Variants in OPCML observed in about 807,000 individuals in gnomAD.
The protein encoded by OPCML is opioid binding protein/cell adhesion molecule like.
In OPCML, 13 loss-of-function variants were observed where a neutral mutation model predicts 37.8. The ratio of observed to expected loss-of-function variants is 0.34; its 90% CI spans 0.22 to 0.55. The LOEUF is 0.55. Ranked by LOEUF, OPCML falls within the 20% of genes least tolerant of loss-of-function variation. OPCML has a pLI of 0.91. For synonymous variants in OPCML, 176 were observed against 168.8 expected (o/e 1.04, Z -0.33); for missense variants, 341 against 435.6 (o/e 0.78, Z 1.93).
chr11:132,849,301 G>A (rs2659612), intron 2 of OPCML, among the ~76,000 whole-genome samples: 16,527 of 152,118 alleles, frequency 0.11, 1,935 homozygotes, highest in East Asian at 0.6. Context: ...GCGATCTAGC[G>A]CTATCATATA....
chr11:133,393,471 C>T (rs925793290), intron 1 of OPCML, among the ~76,000 whole-genome samples: 7 of 152,224 alleles, frequency 4.6e-5, no homozygotes, highest in African/African-American at 9.6e-5. Flanking sequence ...CTGGCTACAG[C>T]TTACCATCTT....
At position 133,212,182 on chromosome 11, in the gene OPCML, A is replaced by C. The variant is rs1939390107; in HGVS notation, c.62-269172T>G. On this transcript the variant is annotated intron_variant, in intron 1 of 7. Coordinates refer to ENST00000524381, the MANE Select transcript of OPCML (RefSeq NM_001012393.5). The surrounding 1 kb of genome is among the most constrained non-coding windows in gnomAD (Gnocchi z 4.9). ...ACCAATCACAACATCATAATGACCA[A>C]TCAATCAACCAAACCAGCAAGGACA... Among the ~76,000 whole-genome samples, 1 of 152,088 alleles carries C rather than the reference A, an allele frequency of 6.6e-6. No homozygotes were observed. Among genetic ancestry groups the C allele is most frequent in the African/African-American group, 2.4e-5 (1 of 41,384 alleles).
At chr11:132,574,215 A>G (rs568751794) in intron 3 of OPCML, among the ~76,000 whole-genome samples, 2 of 121,714 alleles carry the variant, frequency 1.6e-5, no homozygotes, top group South Asian at 4.9e-4. Flanking sequence ...CCGTTTTTCT[A>G]TTTTGTTTAT....
intron 1 of OPCML, among the ~76,000 whole-genome samples, chr11:133,482,183 T>C (rs572811857): frequency 3.3e-5 from 5 of 152,126 alleles, no homozygotes; most frequent in Non-Finnish European, 5.9e-5. Flanking sequence ...AACTCATCAA[T>C]ATAGATCAAT....
intron 1 of OPCML, among the ~76,000 whole-genome samples, chr11:133,475,892 G>A (rs940255532): frequency 6.6e-6 from 1 of 152,212 alleles, no homozygotes; most frequent in African/African-American, 2.4e-5. Context: ...GTCCTTGCCT[G>A]GTGGGAGAAT....
intron 4 of OPCML, among the ~76,000 whole-genome samples, chr11:132,455,311 G>A (rs886850842): frequency 7.2e-5 from 11 of 152,184 alleles, no homozygotes; most frequent in Admixed American, 5.2e-4. Flanking sequence ...AGCCTGGAGT[G>A]TGCAGTGACC....
chr11:132,988,289 AC>A (rs1236091346), intron 1 of OPCML, among the ~76,000 whole-genome samples: 2 of 152,180 alleles, frequency 1.3e-5, no homozygotes, highest in Non-Finnish European at 2.9e-5. Flanking sequence ...ATATTAATAC[AC>A]TTGCATAAAG....
At chr11:132,966,516 G>T (rs1243828817) in intron 1 of OPCML, among the ~76,000 whole-genome samples, 1 of 152,014 alleles carries the variant, frequency 6.6e-6, no homozygotes, top group Non-Finnish European at 1.5e-5. Flanking sequence ...TGAAAATAAT[G>T]TATATTCTGC....
At chr11:133,494,589 G>T (rs1947740228) in intron 1 of OPCML, among the ~76,000 whole-genome samples, 1 of 146,404 alleles carries the variant, frequency 6.8e-6, no homozygotes, top group African/African-American at 2.7e-5. Flanking sequence ...GATGAAGCTG[G>T]AAACCATCAT....
At position 132,418,225 on chromosome 11, in the gene OPCML, A is replaced by G. The variant is rs1215690756; in HGVS notation, c.*1968T>C. 4 of 152,196 alleles carry G rather than the reference A, an allele frequency of 2.6e-5. No individual in the cohort carries two copies. The highest frequency in any genetic ancestry group is 5.9e-5 in the Non-Finnish European group (4 of 68,058). The allele number at this position is 152,196 out of a possible 1,614,324, so 9.4% of individuals were successfully genotyped here. ...TTTTATTTTTTAGACTGAGGGCCTG[A>G]AAAGGTTTTCCAACTGAGGCAGGGC... On this transcript the variant is annotated 3_prime_UTR_variant, in exon 8 of 8. Coordinates refer to ENST00000524381, the MANE Select transcript of OPCML (RefSeq NM_001012393.5).
chr11:133,530,843 T>C (rs1948591286), intron 1 of OPCML, among the ~76,000 whole-genome samples: 1 of 152,176 alleles, frequency 6.6e-6, no homozygotes, highest in Non-Finnish European at 1.5e-5. Flanking sequence ...CCCAGTAAAC[T>C]TCCATTTTTC....
chr11:132,655,699 G>A (rs1487266095), intron 3 of OPCML, among the ~76,000 whole-genome samples: 1 of 152,144 alleles, frequency 6.6e-6, no homozygotes, highest in African/African-American at 2.4e-5. Context: ...CAGCTCTCTG[G>A]CCCCACACAT....
chr11:133,505,441 C>T (rs536099147), intron 1 of OPCML, among the ~76,000 whole-genome samples: 2 of 152,308 alleles, frequency 1.3e-5, no homozygotes, highest in South Asian at 4.1e-4. Context: ...AAGCTCAGCA[C>T]CTGCTCGGGA....
intron 1 of OPCML, among the ~76,000 whole-genome samples, chr11:133,218,751 G>C (rs1281863826): frequency 6.6e-6 from 1 of 152,142 alleles, no homozygotes; most frequent in African/African-American, 2.4e-5. Context: ...GAGCTGCTAA[G>C]CTCTCTGGAT....
chr11:133,341,373 T>G (rs1013394421), intron 1 of OPCML, among the ~76,000 whole-genome samples: 13 of 152,192 alleles, frequency 8.5e-5, no homozygotes, highest in Non-Finnish European at 7.3e-5. Context: ...GACAACTTAT[T>G]CCTGGACATT....
intron 1 of OPCML, among the ~76,000 whole-genome samples, chr11:132,974,095 T>G (rs12287409): frequency 0.076 from 11,648 of 152,278 alleles, 799 homozygotes; most frequent in East Asian, 0.34. Flanking sequence ...TTGGGTTTTA[T>G]CCCATCTTGA....
chr11:133,075,447 A>G (rs1948606538), intron 1 of OPCML, among the ~76,000 whole-genome samples: 1 of 152,190 alleles, frequency 6.6e-6, no homozygotes, highest in African/African-American at 2.4e-5. Context: ...AAAGGAGGCC[A>G]CTTCCCAAGG....
intron 3 of OPCML, among the ~76,000 whole-genome samples, chr11:132,540,442 G>A (rs1204471618): frequency 1.3e-5 from 2 of 152,108 alleles, no homozygotes; most frequent in African/African-American, 4.8e-5. Context: ...AGGATCCAGT[G>A]GGGCAGCCAG....
chr11:133,353,318 C>A (rs1592226164), intron 1 of OPCML, among the ~76,000 whole-genome samples: 1 of 152,076 alleles, frequency 6.6e-6, no homozygotes, highest in South Asian at 2.1e-4. Flanking sequence ...ATGCACCACA[C>A]CTGGCTAATT....
Sources: allele counts gnomAD v4.1 joint callset (sites outside exome capture counted in the v4.1 genomes callset), GRCh38; gene constraint gnomAD v4.1.1; non-coding constraint Gnocchi (gnomAD v3.1); transcripts MANE v1.5; gene names NCBI Gene and HGNC (gene_info 2026-07-23, HGNC 2026-07-21).